SP140: variants seen among roughly 807,000 people sequenced by gnomAD.
The protein encoded by SP140 is SP140 nuclear body protein, also known as nuclear body protein SP140.
In SP140, 81 loss-of-function variants were observed where a neutral mutation model predicts 125.0. The ratio of observed to expected loss-of-function variants is 0.65; its 90% CI spans 0.54 to 0.78. SP140 has a LOEUF of 0.78. SP140 is among the 30% of genes least tolerant of loss of function. The pLI, the probability that SP140 is intolerant of heterozygous loss-of-function variation, is 0.00. For missense variants in SP140, 858 were observed against 1,037.0 expected, an observed-to-expected ratio of 0.83 and a Z score of 2.37; for synonymous variants, 312 against 354.0, an observed-to-expected ratio of 0.88 and a Z score of 1.33.
the SP140 span, among the ~76,000 whole-genome samples, chr2:230,195,482 G>GCACC: frequency 6.6e-6 from 1 of 152,008 alleles, no homozygotes; most frequent in Non-Finnish European, 1.5e-5. Context: ...TAACAGGTAT[G>GCACC]CACCCCCAGG....
chr2:230,205,863 T>C (rs1417037747), intron 1 of SP140, among the ~76,000 whole-genome samples: 1 of 152,136 alleles, frequency 6.6e-6, no homozygotes, highest in Non-Finnish European at 1.5e-5. Flanking sequence ...AAGGTGGTAA[T>C]TGAAGTTGTG....
At chr2:230,190,797 C>G in the SP140 span, among the ~76,000 whole-genome samples, 1 of 152,178 alleles carries the variant, frequency 6.6e-6, no homozygotes, top group Non-Finnish European at 1.5e-5. Context: ...TTCCTGGCAC[C>G]ATTTATTAAA....
Position 230,311,160 on chromosome 2 carries a change from G to A in SP140, c.2290G>A (p.Glu764Lys), listed in dbSNP as rs754698531. The part of the protein sequence containing the change: ...QMCPEEQLKC[E>K]FLLLKVYCCS... ...CGGCCTCTTTCTTTTGCAGAAATGT[G>A]AGTTCCTCCTCTTGAAAGTCTATTG... is the stretch of plus-strand genomic sequence containing the variant. The change falls in exon 25 of 27, where the codon GAG becomes AAG. Residue 764 changes from glutamate (E) to lysine (K), a missense_variant. Glu to Lys is a moderately conservative substitution (Grantham distance 56). Coordinates refer to ENST00000392045, the MANE Select transcript of SP140 (RefSeq NM_007237.5). 4 of 1,607,542 alleles carry A rather than the reference G, an allele frequency of 2.5e-6. No homozygotes were observed. The East Asian group carries it at 6.7e-5, about 27-fold the overall frequency.
At chr2:230,189,135 T>A in the SP140 span, among the ~76,000 whole-genome samples, 2 of 152,304 alleles carry the variant, frequency 1.3e-5, no homozygotes, top group South Asian at 4.1e-4. Flanking sequence ...ATCAATTTTG[T>A]TTATCTTTTC....
intron 3 of SP140, 126 bp from the exon 4 acceptor site, chr2:230,241,278 C>T (rs749370120): frequency 7.1e-5 from 48 of 676,796 alleles, no homozygotes; most frequent in Non-Finnish European, 1.1e-4. Flanking sequence ...AAAAGGGGAA[C>T]AAGGCTCTGT....
chr2:230,295,217 A>C (rs2149506854), intron 21 of SP140, among the ~76,000 whole-genome samples: 1 of 152,378 alleles, frequency 6.6e-6, no homozygotes, highest in Middle Eastern at 3.4e-3. Flanking sequence ...TCAGGTAGAA[A>C]TACGCATTCA....
chr2:230,256,488 A>G (rs1368503550), intron 12 of SP140, among the ~76,000 whole-genome samples: 1 of 137,254 alleles, frequency 7.3e-6, no homozygotes, highest in South Asian at 2.6e-4. Context: ...ACACTTGGAC[A>G]CAAGAAGGGG....
At chr2:230,288,006 ATCTAATTTCC>A (rs1559336286) in intron 18 of SP140, 40 bp downstream of exon 18, 1 of 1,530,390 alleles carries the variant, frequency 6.5e-7, no homozygotes, top group African/African-American at 1.4e-5. Context: ...ATAACTAAAC[ATCTAATTTCC>A]TGTGCGGTAC....
rs369024250 is a variant in SP140 at position 230,286,822 on chromosome 2, A to G, written c.1645+990A>G. ...CCAATGAAACTCTCATTTCCAAGCC[A>G]TAGGTCCACTTTGGGTCTGATTGGT... On this transcript the variant is annotated intron_variant, in intron 17 of 26. Coordinates refer to ENST00000392045, the MANE Select transcript of SP140 (RefSeq NM_007237.5). Among the ~76,000 whole-genome samples, 7 of 152,176 alleles carry G rather than the reference A, an allele frequency of 4.6e-5. No homozygotes were observed. In the South Asian group the frequency reaches 8.3e-4, roughly 18 times the overall value.
downstream of SP140, among the ~76,000 whole-genome samples, chr2:230,315,230 T>C (rs1271291143): frequency 1.3e-5 from 2 of 152,198 alleles, no homozygotes; most frequent in Non-Finnish European, 2.9e-5. Flanking sequence ...GAACCCATGA[T>C]GGAAATGAGG....
chr2:230,309,380 CT>C (rs201744007), intron 22 of SP140, among the ~76,000 whole-genome samples: 2 of 152,204 alleles, frequency 1.3e-5, no homozygotes, highest in African/African-American at 4.8e-5. Context: ...ACCCACGGTC[CT>C]TCCCCCTCAG....
In SP140 at chr2:230,237,119, C is replaced by A; in HGVS notation, c.96C>A (p.Asn32Lys). Residue 32 changes from asparagine (N) to lysine (K), a missense_variant, in exon 2 of 27, where the codon AAC (asparagine) becomes AAA (lysine). Transcript: ENST00000392045. This position sits in a 1 kb window ranked among gnomAD's most constrained non-coding sequence, Gnocchi z 5.4. ...VAEIQNVEGQNLQEQVCPEPI... is the reference protein window; with the variant it reads ...VAEIQNVEGQKLQEQVCPEPI... ...AGATCCAGAACGTAGAGGGTCAGAACCTGCAGGAGCAGGTTTGCCCTGAGC... is the reference window on the plus strand; with the variant it reads ...AGATCCAGAACGTAGAGGGTCAGAAACTGCAGGAGCAGGTTTGCCCTGAGC... 1.2e-6 allele frequency: 2 copies of A among 1,608,376 alleles called. No homozygotes were observed. The highest frequency in any genetic ancestry group is 1.7e-6 in the Non-Finnish European group (2 of 1,178,278).
At chr2:230,316,078 C>T (rs750696777), downstream of SP140, among the ~76,000 whole-genome samples, 1 of 152,156 alleles carries the variant, frequency 6.6e-6, no homozygotes, top group Non-Finnish European at 1.5e-5. Context: ...AATCCTGCTC[C>T]GTGTTACAAT....
chr2:230,286,379 T>C (rs369859051), intron 17 of SP140, among the ~76,000 whole-genome samples: 42 of 152,300 alleles, frequency 2.8e-4, no homozygotes, highest in Middle Eastern at 3.4e-3. Flanking sequence ...GGTGACATGG[T>C]CAGTGTCTTC....
the SP140 span, among the ~76,000 whole-genome samples, chr2:230,190,875 C>T: frequency 1.9e-3 from 294 of 152,042 alleles, 2 homozygotes; most frequent in Admixed American, 3.5e-3. Flanking sequence ...GTAGATGTGT[C>T]GTGTTATTTC....
chr2:230,307,974 TATATATATATATATATACACAC>T (rs1365974359), intron 22 of SP140, among the ~76,000 whole-genome samples: 1 of 88,804 alleles, frequency 1.1e-5, no homozygotes, highest in Non-Finnish European at 2.5e-5. Flanking sequence ...TATATATATA[TATATATATATATATATACACAC>T]ACACACACAC....
At chr2:230,309,396 C>A (rs761740551) in intron 22 of SP140, among the ~76,000 whole-genome samples, 1 of 152,186 alleles carries the variant, frequency 6.6e-6, no homozygotes, top group Non-Finnish European at 1.5e-5. Flanking sequence ...CCTCAGAGGT[C>A]GGCGTAGAGC....
the SP140 span, among the ~76,000 whole-genome samples, chr2:230,197,725 G>A: frequency 6.6e-6 from 1 of 151,706 alleles, no homozygotes; most frequent in Admixed American, 6.6e-5. Flanking sequence ...TTTGTATAAG[G>A]TGTAAGGAAG....
At chr2:230,249,066 C>A in intron 9 of SP140, 98 bp downstream of exon 9, 1 of 859,682 alleles carries the variant, frequency 1.2e-6, no homozygotes, top group Admixed American at 2.1e-5. Context: ...CCCTTCCCTT[C>A]TTCACATTCG....
Sources: gnomAD v4.1 joint callset for allele counts (sites outside exome capture counted in the v4.1 genomes callset) on GRCh38, gnomAD v4.1.1 for gene constraint, Gnocchi (gnomAD v3.1) non-coding constraint, MANE v1.5 for transcripts, NCBI Gene and HGNC (gene_info 2026-07-23, HGNC 2026-07-21) for gene names.